Variants in LUZP2 observed in about 807,000 individuals in gnomAD.
LUZP2 encodes the protein leucine zipper protein 2.
A neutral mutation model predicts 51.6 loss-of-function variants in LUZP2; 52 were observed. The ratio of observed to expected loss-of-function variants is 1.01; its 90% CI spans 0.81 to 1.27. LUZP2 has a LOEUF of 1.27. LUZP2 is among the 50% of genes most tolerant of loss of function. The probability of loss-of-function intolerance (pLI) is 0.00; values close to 1 mark genes in which losing one functional copy is unlikely to be tolerated. For synonymous variants in LUZP2, 154 were observed against 137.3 expected (o/e 1.12, Z -0.85); for missense variants, 436 against 395.4 (o/e 1.10, Z -0.87).
At chr11:24,659,258 C>A (rs1180179652) in intron 1 of LUZP2, among the ~76,000 whole-genome samples, 3 of 152,150 alleles carry the variant, frequency 2.0e-5, no homozygotes, top group Non-Finnish European at 2.9e-5. Flanking sequence ...ATGATGAGTT[C>A]ATGTCCTTTG....
chr11:24,746,468 C>A (rs1450795570), intron 4 of LUZP2, among the ~76,000 whole-genome samples: 1 of 152,154 alleles, frequency 6.6e-6, no homozygotes, highest in African/African-American at 2.4e-5. Context: ...GTGCTTTTGT[C>A]TCACAGTTCT....
chr11:24,721,090 G>A (rs1353519743), intron 1 of LUZP2, among the ~76,000 whole-genome samples: 1 of 152,118 alleles, frequency 6.6e-6, no homozygotes, highest in African/African-American at 2.4e-5. Flanking sequence ...TAACATAAAC[G>A]ACGTTTAATG....
At chr11:24,872,501 G>T (rs920275794) in intron 5 of LUZP2, among the ~76,000 whole-genome samples, 3 of 152,058 alleles carry the variant, frequency 2.0e-5, no homozygotes, top group Non-Finnish European at 4.4e-5. Flanking sequence ...GAAAATTAAA[G>T]AGCATATTTA....
intron 1 of LUZP2, among the ~76,000 whole-genome samples, chr11:24,691,663 A>G (rs1309460242): frequency 1.3e-5 from 2 of 152,056 alleles, no homozygotes; most frequent in Non-Finnish European, 2.9e-5. Context: ...ATAAATAAGA[A>G]AAAGAGCAAA....
At chr11:24,921,077 C>T (rs1467858929) in intron 7 of LUZP2, among the ~76,000 whole-genome samples, 1 of 151,938 alleles carries the variant, frequency 6.6e-6, no homozygotes, top group Non-Finnish European at 1.5e-5. Flanking sequence ...ACTGGGGGAA[C>T]ACCAGGGTTC....
intron 1 of LUZP2, among the ~76,000 whole-genome samples, chr11:24,500,406 A>G (rs560339232): frequency 7.2e-5 from 11 of 152,302 alleles, no homozygotes; most frequent in Non-Finnish European, 1.2e-4. Flanking sequence ...AAAGAAAGCA[A>G]ACATGTTGGT....
At chr11:24,554,089 T>C (rs927163357) in intron 1 of LUZP2, among the ~76,000 whole-genome samples, 6 of 152,210 alleles carry the variant, frequency 3.9e-5, no homozygotes, top group Admixed American at 1.3e-4. Flanking sequence ...GCTGAAAAGC[T>C]GATGGCTGAG....
chr11:24,706,425 T>C (rs1175049887), intron 1 of LUZP2, among the ~76,000 whole-genome samples: 1 of 152,162 alleles, frequency 6.6e-6, no homozygotes, highest in Non-Finnish European at 1.5e-5. Flanking sequence ...AAATCCAGTG[T>C]CTATTTCCTG....
At chr11:25,058,478 C>T (rs1253535747) in intron 10 of LUZP2, among the ~76,000 whole-genome samples, 2 of 152,128 alleles carry the variant, frequency 1.3e-5, no homozygotes, top group East Asian at 1.9e-4. Flanking sequence ...AATTATTTTA[C>T]TCCTCCCATT....
At chr11:24,904,656 A>G (rs765310320) in intron 5 of LUZP2, among the ~76,000 whole-genome samples, 4 of 152,080 alleles carry the variant, frequency 2.6e-5, no homozygotes. Context: ...TGTTCTAGAT[A>G]GTAACCTTTG....
chr11:24,831,028 A>G (rs556106024), intron 5 of LUZP2, among the ~76,000 whole-genome samples: 1 of 152,148 alleles, frequency 6.6e-6, no homozygotes, highest in South Asian at 2.1e-4. Context: ...AATAAAATAA[A>G]AAGAAGAAGA....
At chr11:24,646,495 C>A in intron 1 of LUZP2, 1 of 635,982 alleles carries the variant, frequency 1.6e-6, no homozygotes, top group Non-Finnish European at 2.0e-6. Context: ...TAATGCTTTA[C>A]CTTATTGGAA....
In LUZP2 at chr11:25,081,520, T is replaced by G. The variant is rs1287436294; in HGVS notation, c.*2862T>G. 1.3e-5 allele frequency: 2 copies of G among 152,156 alleles called. No individual in the cohort carries two copies. Among genetic ancestry groups the G allele is most frequent in the Non-Finnish European group, 2.9e-5 (2 of 68,014 alleles). The allele number at this position is 152,156 out of a possible 1,614,324, so 9.4% of individuals were successfully genotyped here. ...ACTCTCTTTCAGTAAGTTCTATGAC[T>G]GTACCTTAATGAATGCATTTTATTT... is the stretch of plus-strand genomic sequence containing the variant. On this transcript the variant is annotated 3_prime_UTR_variant, in exon 12 of 12. Coordinates refer to ENST00000336930, the MANE Select transcript of LUZP2 (RefSeq NM_001009909.4).
intron 9 of LUZP2, among the ~76,000 whole-genome samples, chr11:25,047,386 A>T (rs1469664717): frequency 2.6e-3 from 47 of 17,974 alleles, no homozygotes; most frequent in South Asian, 0.022. Flanking sequence ...TATTTTTTTT[A>T]ATTTTTTTTA....
chr11:24,841,856 T>C (rs1360100877), intron 5 of LUZP2, among the ~76,000 whole-genome samples: 2 of 152,064 alleles, frequency 1.3e-5, no homozygotes, highest in African/African-American at 4.8e-5. Context: ...TGAGACATTT[T>C]TTCTGCCTCT....
chr11:24,888,413 T>G (rs11028254), intron 5 of LUZP2, among the ~76,000 whole-genome samples: 10,436 of 151,594 alleles, frequency 0.069, 1,161 homozygotes, highest in African/African-American at 0.23. Flanking sequence ...CAGCCAAAAG[T>G]TTTTTTTTGG....
chr11:24,833,976 T>C (rs1850782722), intron 5 of LUZP2, among the ~76,000 whole-genome samples: 2 of 152,208 alleles, frequency 1.3e-5, no homozygotes, highest in African/African-American at 4.8e-5. Context: ...AGCTCATTAT[T>C]TGTATTAATA....
intron 7 of LUZP2, among the ~76,000 whole-genome samples, chr11:24,963,571 T>C (rs111792870): frequency 5.3e-5 from 8 of 151,060 alleles, no homozygotes; most frequent in African/African-American, 1.7e-4. Context: ...CTCCGAGCCA[T>C]GTGCGGGATA....
chr11:24,864,918 G>T (rs1302775968), intron 5 of LUZP2, among the ~76,000 whole-genome samples: 1 of 152,144 alleles, frequency 6.6e-6, no homozygotes, highest in African/African-American at 2.4e-5. Flanking sequence ...AAAAGTTGAT[G>T]TTCTCATAAT....
Sources: gnomAD v4.1 joint callset for allele counts (sites outside exome capture counted in the v4.1 genomes callset) on GRCh38, gnomAD v4.1.1 for gene constraint, MANE v1.5 for transcripts, NCBI Gene and HGNC (gene_info 2026-07-23, HGNC 2026-07-21) for gene names.